FOXP2: variants seen among roughly 807,000 people sequenced by gnomAD.
FOXP2 encodes the protein forkhead box protein P2.
In FOXP2, 12 loss-of-function variants were observed where a neutral mutation model predicts 115.8. That is an observed-to-expected ratio of 0.10 (90% CI 0.07 to 0.17). FOXP2 has a LOEUF of 0.17. Among genes scored for constraint, FOXP2 ranks in the 10% least tolerant of loss-of-function variants. The pLI is 1.00. For missense variants in FOXP2, 629 were observed against 843.5 expected, an observed-to-expected ratio of 0.75 and a Z score of 3.15; for synonymous variants, 328 against 297.7, an observed-to-expected ratio of 1.10 and a Z score of -1.05.
intron 13 of FOXP2, 87 bp downstream of exon 13, chr7:114,659,760 AT>A: frequency 9.9e-7 from 1 of 1,013,458 alleles, no homozygotes; most frequent in South Asian, 1.3e-5. Context: ...ACATAAGCAG[AT>A]TAGTATCTGC....
intron 1 of FOXP2, among the ~76,000 whole-genome samples, chr7:114,275,346 T>C (rs1208621853): frequency 3.3e-5 from 5 of 152,184 alleles, no homozygotes. Context: ...TGTTTTGTTT[T>C]CTTTAATCTT....
chr7:114,568,339 G>A (rs1208192230), intron 3 of FOXP2, among the ~76,000 whole-genome samples: 1 of 151,090 alleles, frequency 6.6e-6, no homozygotes, highest in East Asian at 1.9e-4. Context: ...AGATTTTAGG[G>A]AATCGAAAAA....
intron 1 of FOXP2, among the ~76,000 whole-genome samples, chr7:114,149,705 T>G (rs1021290646): frequency 6.6e-6 from 1 of 152,092 alleles, no homozygotes; most frequent in African/African-American, 2.4e-5. Flanking sequence ...AATTAACAAG[T>G]GAAACCTTCG....
chr7:114,631,556 A>C lies in FOXP2; in HGVS notation c.626A>C (p.Gln209Pro). ...EQQQQQQQQQ[Q>P]LAAQQLVFQQ... The stretch of plus-strand genomic sequence containing the variant: ...CAGCAGCAGCAGCAGCAGCAACAGC[A>C]ATTGGCAGCCCAGCAGCTTGTCTTC... Residue 209 changes from glutamine (Q) to proline (P), a missense_variant, in exon 6 of 17, where the codon CAA becomes CCA. By Grantham distance (76) the Gln-to-Pro change is moderately conservative. This residue lies in a region of FOXP2 where 138 missense variants were observed against 205.1 expected (regional missense o/e 0.67). Transcript: ENST00000350908. 6.3e-7 allele frequency: 1 copy of C among 1,589,686 alleles called. No homozygotes were observed. The highest frequency in any genetic ancestry group is 8.6e-7 in the Non-Finnish European group (1 of 1,167,326).
chr7:114,669,088 A>G (rs1020578780), intron 16 of FOXP2: 1 of 151,978 alleles, frequency 6.6e-6, no homozygotes, highest in African/African-American at 2.4e-5. Context: ...GTATTTTATA[A>G]CCATTCCAAT....
chr7:114,214,569 G>A (rs1371574631), intron 1 of FOXP2, among the ~76,000 whole-genome samples: 1 of 152,100 alleles, frequency 6.6e-6, no homozygotes, highest in Non-Finnish European at 1.5e-5. Context: ...CTAGTATGTT[G>A]TATATACTGA....
At chr7:114,480,695 G>A (rs1269570429) in intron 2 of FOXP2, among the ~76,000 whole-genome samples, 2 of 149,896 alleles carry the variant, frequency 1.3e-5, no homozygotes, top group Non-Finnish European at 1.5e-5. Context: ...ATATGTGTGT[G>A]CATATATACA....
rs79706482 is a variant in FOXP2 at position 114,509,936 on chromosome 7, G to A, written c.169-24681G>A. Among the ~76,000 whole-genome samples, 5 of 151,974 alleles carry A rather than the reference G, an allele frequency of 3.3e-5. No homozygotes were observed. In the East Asian group the frequency reaches 9.6e-4, roughly 29 times the overall value. The stretch of plus-strand genomic sequence containing the variant: ...AAGGGGAAAAGAGAGAAAAAAAAAG[G>A]TGCTCACAAACACTTTGAGATCGGG... On this transcript the variant is annotated intron_variant, in intron 2 of 16. Transcript: ENST00000350908.
At chr7:114,285,165 G>A (rs904883699) in intron 1 of FOXP2, among the ~76,000 whole-genome samples, 4 of 152,042 alleles carry the variant, frequency 2.6e-5, no homozygotes, top group African/African-American at 4.8e-5. Context: ...TGAACTTAAA[G>A]TTTAAAAAAT....
intron 1 of FOXP2, among the ~76,000 whole-genome samples, chr7:114,425,637 A>G (rs1229101300): frequency 1.3e-5 from 2 of 151,688 alleles, no homozygotes; most frequent in Non-Finnish European, 3.0e-5. Flanking sequence ...TAGCACAATC[A>G]TTAGTGATAT....
At chr7:114,260,274 G>C (rs960542276) in intron 1 of FOXP2, among the ~76,000 whole-genome samples, 9 of 151,348 alleles carry the variant, frequency 5.9e-5, no homozygotes, top group Non-Finnish European at 1.2e-4. Context: ...GCTCCTCCCA[G>C]GCTATTTCTA....
Position 114,500,808 on chromosome 7 carries a change from C to T in FOXP2, c.169-33809C>T, listed in dbSNP as rs73436149. 7.1e-3 allele frequency among the ~76,000 whole-genome samples: 1,077 copies of T among 152,166 alleles called. 10 individuals carry two copies. The highest frequency in any genetic ancestry group is 0.025 in the African/African-American group (1,021 of 41,518). On this transcript the variant is annotated intron_variant, in intron 2 of 16. Coordinates refer to ENST00000350908, the MANE Select transcript of FOXP2 (RefSeq NM_014491.4). ...TTTCACATAAAAAGTAATTATGATT[C>T]GTAATAGTGCAATTAATGCAAAGAT...
intron 2 of FOXP2, among the ~76,000 whole-genome samples, chr7:114,531,631 T>TAGA (rs1438787244): frequency 6.6e-6 from 1 of 151,954 alleles, no homozygotes; most frequent in African/African-American, 2.4e-5. Flanking sequence ...ACTATAGCAG[T>TAGA]CTCTACTCTA....
At chr7:114,271,333 G>A (rs1381887285) in intron 1 of FOXP2, among the ~76,000 whole-genome samples, 2 of 150,498 alleles carry the variant, frequency 1.3e-5, no homozygotes, top group African/African-American at 4.9e-5. Flanking sequence ...GGAGTGGTGA[G>A]TGGGGACATG....
At chr7:114,667,211 G>A (rs1048697174) in intron 16 of FOXP2, 10 of 152,280 alleles carry the variant, frequency 6.6e-5, no homozygotes, top group Admixed American at 4.6e-4. Flanking sequence ...ATTGCTTGAG[G>A]CCAGGAGTTC....
intron 16 of FOXP2, among the ~76,000 whole-genome samples, chr7:114,688,208 TACACACACACACACACACACAC>T (rs56751704): frequency 4.6e-4 from 53 of 115,362 alleles, no homozygotes; most frequent in Middle Eastern, 0.011. Context: ...CATACATGCA[TACACACACACACACACACACAC>T]ACACACACAC....
chr7:114,672,250 A>T (rs897285215), intron 16 of FOXP2, among the ~76,000 whole-genome samples: 2 of 152,188 alleles, frequency 1.3e-5, no homozygotes, highest in Non-Finnish European at 2.9e-5. Context: ...TTAATTAGCA[A>T]GTCAAAGAAA....
intron 1 of FOXP2, among the ~76,000 whole-genome samples, chr7:114,249,175 T>G (rs1434899391): frequency 6.6e-6 from 1 of 152,224 alleles, no homozygotes; most frequent in Non-Finnish European, 1.5e-5. Context: ...TTTACCATTT[T>G]ATATAAAGTA....
At chr7:114,301,022 G>A (rs1796868038) in intron 2 of FOXP2, among the ~76,000 whole-genome samples, 6 of 151,836 alleles carry the variant, frequency 4.0e-5, no homozygotes, top group Admixed American at 3.9e-4. Flanking sequence ...ATATATATTT[G>A]AGATATATTA....
Sources: gnomAD v4.1 joint callset for allele counts (sites outside exome capture counted in the v4.1 genomes callset) on GRCh38, gnomAD v4.1.1 for gene constraint, gnomAD v4.1.1 regional missense constraint, MANE v1.5 for transcripts, NCBI Gene and HGNC (gene_info 2026-07-23, HGNC 2026-07-21) for gene names.